Variants in KIAA0825 observed in about 807,000 individuals in gnomAD.
KIAA0825 encodes KIAA0825.
Under a neutral mutation model 147.6 loss-of-function variants are expected in KIAA0825, and 119 were observed. The ratio of observed to expected loss-of-function variants is 0.81; its 90% CI spans 0.69 to 0.94. The LOEUF is 0.94. KIAA0825 is among the 40% of genes least tolerant of loss of function. The probability of loss-of-function intolerance (pLI) is 0.00; values close to 1 mark genes in which losing one functional copy is unlikely to be tolerated. For synonymous variants in KIAA0825, 470 were observed against 518.1 expected, an observed-to-expected ratio of 0.91 and a Z score of 1.26; for missense variants, 1,381 against 1,472.7, an observed-to-expected ratio of 0.94 and a Z score of 1.02.
chr5:94,529,288 GTA>G (rs1486816945), intron 3 of KIAA0825, among the ~76,000 whole-genome samples: 1 of 134,606 alleles, frequency 7.4e-6, no homozygotes, highest in East Asian at 2.0e-4. Context: ...TCATATATAT[GTA>G]TATATCATAT....
chr5:94,370,721 A>G (rs879353695), intron 20 of KIAA0825, among the ~76,000 whole-genome samples: 1 of 152,112 alleles, frequency 6.6e-6, no homozygotes, highest in Non-Finnish European at 1.5e-5. Flanking sequence ...CCTGGCTAAC[A>G]CAGTGAAACC....
intron 15 of KIAA0825, among the ~76,000 whole-genome samples, chr5:94,408,515 TTGTGTGTGTGTGTGTG>T (rs3050853): frequency 3.1e-4 from 45 of 147,300 alleles, no homozygotes; most frequent in African/African-American, 1.1e-3. Context: ...CTCAGCTAAT[TTGTGTGTGTGTGTGTG>T]TGTGTGTGTG....
At chr5:94,176,970 T>A (rs1034318924) in intron 20 of KIAA0825, among the ~76,000 whole-genome samples, 17 of 152,086 alleles carry the variant, frequency 1.1e-4, no homozygotes, top group Admixed American at 8.5e-4. Flanking sequence ...AGTTCCTATT[T>A]AAAAGCACAA....
intron 5 of KIAA0825, among the ~76,000 whole-genome samples, chr5:94,496,005 A>T (rs1764306910): frequency 6.6e-6 from 1 of 152,192 alleles, no homozygotes; most frequent in Non-Finnish European, 1.5e-5. Flanking sequence ...TTTTAGATCC[A>T]GTGTTATTGG....
chr5:94,487,969 A>G (rs1006812761), intron 5 of KIAA0825, among the ~76,000 whole-genome samples: 2 of 152,066 alleles, frequency 1.3e-5, no homozygotes, highest in African/African-American at 4.8e-5. Context: ...AAAACAAAAC[A>G]AAACAAAAAA....
chr5:94,330,968 C>T (rs894218273), intron 20 of KIAA0825, among the ~76,000 whole-genome samples: 1 of 151,956 alleles, frequency 6.6e-6, no homozygotes, highest in Admixed American at 6.6e-5. Flanking sequence ...AACCCCATCT[C>T]TACTAGAAAT....
intron 20 of KIAA0825, among the ~76,000 whole-genome samples, chr5:94,249,702 T>C (rs531426292): frequency 1.0e-3 from 157 of 152,228 alleles, no homozygotes; most frequent in African/African-American, 3.6e-3. Flanking sequence ...CAGAAAGGCC[T>C]TCCTTTACAA....
At chr5:94,578,313 C>T (rs559067738) in intron 2 of KIAA0825, among the ~76,000 whole-genome samples, 1 of 152,246 alleles carries the variant, frequency 6.6e-6, no homozygotes, top group South Asian at 2.1e-4. Context: ...TAGACTGTGG[C>T]TTTAGACCTC....
chr5:94,366,398 C>G (rs954694996), intron 20 of KIAA0825, among the ~76,000 whole-genome samples: 6 of 152,110 alleles, frequency 3.9e-5, no homozygotes, highest in African/African-American at 1.4e-4. Context: ...AGAGACTGCT[C>G]TGGGTAGCCC....
intron 20 of KIAA0825, among the ~76,000 whole-genome samples, chr5:94,241,730 TC>T (rs1402658092): frequency 6.6e-6 from 1 of 152,218 alleles, no homozygotes; most frequent in Non-Finnish European, 1.5e-5. Context: ...TCTGCTATCC[TC>T]TTAAAAGACT....
intron 10 of KIAA0825, among the ~76,000 whole-genome samples, chr5:94,468,564 A>ACT (rs1258028434): frequency 6.6e-6 from 1 of 151,982 alleles, no homozygotes; most frequent in Non-Finnish European, 1.5e-5. Flanking sequence ...GGTTTGGAAA[A>ACT]CTCTATATGG....
chr5:94,455,405 C>T (rs1562514210), intron 12 of KIAA0825, among the ~76,000 whole-genome samples: 1 of 152,000 alleles, frequency 6.6e-6, no homozygotes, highest in Non-Finnish European at 1.5e-5. Context: ...AGGACCCTGC[C>T]CATGTTGTTA....
intron 20 of KIAA0825, among the ~76,000 whole-genome samples, chr5:94,329,779 G>GA: frequency 6.6e-6 from 1 of 151,658 alleles, no homozygotes; most frequent in Non-Finnish European, 1.5e-5. Context: ...ACAGTATGTT[G>GA]AATCAGAAAC....
At chr5:94,157,991 G>A (rs1767191870) in intron 20 of KIAA0825, among the ~76,000 whole-genome samples, 1 of 152,100 alleles carries the variant, frequency 6.6e-6, no homozygotes, top group East Asian at 1.9e-4. Flanking sequence ...AGGTGTTTGA[G>A]GCATTTACCC....
chr5:94,579,699 T>G (rs1029947735), intron 2 of KIAA0825, among the ~76,000 whole-genome samples: 5 of 152,234 alleles, frequency 3.3e-5, no homozygotes, highest in Non-Finnish European at 7.3e-5. Context: ...CTTTTCTATA[T>G]TGCAGGTATA....
intron 15 of KIAA0825, among the ~76,000 whole-genome samples, chr5:94,409,515 C>T (rs867460680): frequency 2.6e-5 from 4 of 151,990 alleles, no homozygotes; most frequent in South Asian, 4.1e-4. Context: ...ACCAAAGAGA[C>T]GGATCTACAT....
At chr5:94,569,064 C>A in intron 2 of KIAA0825, 1 of 170,892 alleles carries the variant, frequency 5.9e-6, no homozygotes, top group South Asian at 1.8e-4. Context: ...CCTCCCGAAT[C>A]AATGCTGGCC....
At position 94,380,738 on chromosome 5, in the gene KIAA0825, C is replaced by T. The variant is rs533704789; in HGVS notation, c.3710+3630G>A. ...GAAGAGCTGAGGGAACTGCAAGCAC[C>T]AAGACGCTGAAGTGGGAAAGCGTTT... On this transcript the variant is annotated intron_variant, in intron 20 of 20. Coordinates refer to ENST00000682413, the MANE Select transcript of KIAA0825 (RefSeq NM_001145678.3). 1.4e-3 allele frequency among the ~76,000 whole-genome samples: 217 copies of T among 152,334 alleles called. 1 individual carries two copies. Among genetic ancestry groups the T allele is most frequent in the African/African-American group, 4.9e-3 (202 of 41,576 alleles).
At chr5:94,250,688 G>A (rs929022738) in intron 20 of KIAA0825, among the ~76,000 whole-genome samples, 1 of 152,008 alleles carries the variant, frequency 6.6e-6, no homozygotes, top group Non-Finnish European at 1.5e-5. Flanking sequence ...TGCTTTTCAT[G>A]GCTCAACTGG....
Sources: allele counts gnomAD v4.1 joint callset (sites outside exome capture counted in the v4.1 genomes callset), GRCh38; gene constraint gnomAD v4.1.1; transcripts MANE v1.5; gene names NCBI Gene and HGNC (gene_info 2026-07-23, HGNC 2026-07-21).